Variants in DYRK1A observed in about 807,000 individuals in gnomAD.
The protein encoded by DYRK1A is dual specificity tyrosine-phosphorylation-regulated kinase 1A.
DYRK1A carries 9 observed loss-of-function variants against 79.7 expected under a neutral mutation model. The ratio of observed to expected loss-of-function variants is 0.11; its 90% CI spans 0.07 to 0.20. The LOEUF (loss-of-function observed/expected upper bound fraction) is 0.20. DYRK1A is among the 10% of genes least tolerant of loss of function. DYRK1A has a pLI of 1.00. For missense variants in DYRK1A, 622 were observed against 956.0 expected, an observed-to-expected ratio of 0.65 and a Z score of 4.61; for synonymous variants, 349 against 329.7, an observed-to-expected ratio of 1.06 and a Z score of -0.63.
At chr21:37,370,945 A>G (rs2049417318) in intron 1 of DYRK1A, among the ~76,000 whole-genome samples, 1 of 152,156 alleles carries the variant, frequency 6.6e-6, no homozygotes, top group Non-Finnish European at 1.5e-5. Flanking sequence ...TTGCCTTTTA[A>G]AAGACTTTTT....
At chr21:37,409,978 TTC>T (rs1459584212) in intron 1 of DYRK1A, among the ~76,000 whole-genome samples, 1 of 152,234 alleles carries the variant, frequency 6.6e-6, no homozygotes, top group African/African-American at 2.4e-5. Flanking sequence ...ATTTTGTATA[TTC>T]TGTTATGAAA....
chr21:37,461,265 T>G (rs1447563755), intron 2 of DYRK1A, among the ~76,000 whole-genome samples: 1 of 152,214 alleles, frequency 6.6e-6, no homozygotes, highest in Non-Finnish European at 1.5e-5. Flanking sequence ...TTATTTAAAT[T>G]ATCTAAGTTA....
intron 1 of DYRK1A, among the ~76,000 whole-genome samples, chr21:37,412,585 G>A (rs1033468074): frequency 3.3e-5 from 5 of 152,194 alleles, no homozygotes; most frequent in African/African-American, 9.7e-5. Flanking sequence ...ATTCTAGGAA[G>A]CATTTGTAAT....
rs28565161 is a variant in DYRK1A at position 37,367,544 on chromosome 21, C to T, written c.-161C>T. 0.06 allele frequency: 8,832 copies of T among 147,050 alleles called. 305 individuals are homozygous for T. Among genetic ancestry groups the T allele is most frequent in the Middle Eastern group, 0.14 (40 of 286 alleles). 9.1% of individuals were successfully genotyped at this position (147,050 alleles called of 1,614,324 possible). A position where few individuals can be genotyped will look rare whatever the true frequency, so the allele number is the denominator to read the frequency against. On this transcript the variant is annotated 5_prime_UTR_variant, in exon 1 of 12. Coordinates refer to ENST00000647188, the MANE Select transcript of DYRK1A (RefSeq NM_001347721.2). ...GAGGCTGCCGGGGCGGCGCTGGCTGCGGAGGCCGCGGCGGGAGCGCGGCGC... is the reference window on the plus strand; with the variant it reads ...GAGGCTGCCGGGGCGGCGCTGGCTGTGGAGGCCGCGGCGGGAGCGCGGCGC...
chr21:37,496,123 T>A lies in DYRK1A; in HGVS notation c.1077T>A (p.Asp359Glu). Residue 359 changes from aspartate to glutamate, a missense_variant, in exon 9 of 12, where the codon GAT (aspartate) becomes GAA (glutamate). Around this residue, in one of 5 missense-constraint regions of DYRK1A, gnomAD observed 138 missense variants for 346.4 expected, o/e 0.40. Coordinates refer to ENST00000647188, the MANE Select transcript of DYRK1A (RefSeq NM_001347721.2). Reference protein sequence around the residue: ...EPLFSGANEVDQMNKIVEVLG... With the variant: ...EPLFSGANEVEQMNKIVEVLG... Reference sequence around the variant, plus strand: ...TGTTTTTATTTTTAATACAGGTAGATCAGATGAATAAAATAGTGGAAGTTC... The same window carrying A: ...TGTTTTTATTTTTAATACAGGTAGAACAGATGAATAAAATAGTGGAAGTTC... The A allele has an allele frequency of 6.2e-7, 1 of 1,610,802 alleles. No homozygotes were observed.
chr21:37,483,156 A>G (rs1265308620), intron 5 of DYRK1A, among the ~76,000 whole-genome samples: 3 of 152,250 alleles, frequency 2.0e-5, no homozygotes, highest in Admixed American at 6.5e-5. Flanking sequence ...ATAAGTGTCC[A>G]TGAAATCTTC....
At chr21:37,403,657 ATATATATGTG>A (rs1161081049) in intron 1 of DYRK1A, among the ~76,000 whole-genome samples, 1 of 124,952 alleles carries the variant, frequency 8.0e-6, no homozygotes, top group Non-Finnish European at 1.7e-5. Context: ...AAATATATAT[ATATATATGTG>A]TGTGTGTGTG....
intron 2 of DYRK1A, among the ~76,000 whole-genome samples, chr21:37,448,654 A>G (rs1159477803): frequency 2.6e-5 from 4 of 152,188 alleles, no homozygotes; most frequent in Non-Finnish European, 5.9e-5. Context: ...AATATTGAGC[A>G]AAGGAGGGAA....
chr21:37,389,363 A>G (rs976678494), intron 1 of DYRK1A, among the ~76,000 whole-genome samples: 1 of 151,904 alleles, frequency 6.6e-6, no homozygotes, highest in African/African-American at 2.4e-5. Context: ...GCGGGGTCTC[A>G]TTGTGTTGCC....
intron 1 of DYRK1A, among the ~76,000 whole-genome samples, chr21:37,418,069 A>G (rs2050392493): frequency 6.6e-6 from 1 of 152,208 alleles, no homozygotes; most frequent in African/African-American, 2.4e-5. Context: ...TCTGCAAAGC[A>G]CATTTGGTGT....
intron 6 of DYRK1A, among the ~76,000 whole-genome samples, chr21:37,489,609 C>G (rs1394558259): frequency 6.7e-6 from 1 of 149,194 alleles, no homozygotes; most frequent in Non-Finnish European, 1.5e-5. Flanking sequence ...GATTTTCAGA[C>G]ATTTGTTGTA....
rs2053931039 is a variant in DYRK1A at position 37,520,985 on chromosome 21, C to A, written c.*8454C>A. On this transcript the variant is annotated 3_prime_UTR_variant, in exon 12 of 12. Transcript: ENST00000647188. ...TCACCCTCGCCCAGGAATGTGGGTG[C>A]TGGAGAGACGGGCTACCTCTTTCTG... 1 of 152,286 alleles carries A rather than the reference C, an allele frequency of 6.6e-6. No individual in the cohort carries two copies. Among genetic ancestry groups the A allele is most frequent in the Non-Finnish European group, 1.5e-5 (1 of 68,088 alleles). The allele number at this position is 152,286 out of a possible 1,614,324, so 9.4% of individuals were successfully genotyped here.
chr21:37,478,679 G>A (rs562950904), intron 4 of DYRK1A, among the ~76,000 whole-genome samples: 2 of 152,152 alleles, frequency 1.3e-5, no homozygotes, highest in Non-Finnish European at 2.9e-5. Flanking sequence ...TTATATATTT[G>A]TTTCTGCTTT....
intron 6 of DYRK1A, chr21:37,488,493 A>T (rs941786996): frequency 2.2e-5 from 19 of 846,476 alleles, no homozygotes; most frequent in Non-Finnish European, 2.6e-5. Flanking sequence ...CAAATTTCTT[A>T]TCTGGATTAT....
At chr21:37,374,245 A>G (rs1306447417) in intron 1 of DYRK1A, among the ~76,000 whole-genome samples, 1 of 151,730 alleles carries the variant, frequency 6.6e-6, no homozygotes, top group Non-Finnish European at 1.5e-5. Flanking sequence ...AAACAATGCT[A>G]CAATAACACT....
intron 7 of DYRK1A, among the ~76,000 whole-genome samples, chr21:37,491,833 T>A (rs886810642): frequency 6.6e-6 from 1 of 152,350 alleles, no homozygotes; most frequent in Non-Finnish European, 1.5e-5. Context: ...AACATTATTA[T>A]TTCTGTCTAG....
chr21:37,472,569 AG>A (rs1407174884), intron 2 of DYRK1A, 114 bp from the exon 3 acceptor site: 1 of 818,860 alleles, frequency 1.2e-6, no homozygotes, highest in African/African-American at 1.7e-5. Context: ...TAGTTAGAAA[AG>A]TTTTTTAATA....
intron 1 of DYRK1A, among the ~76,000 whole-genome samples, chr21:37,394,625 C>T (rs1193095951): frequency 6.6e-6 from 1 of 152,110 alleles, no homozygotes; most frequent in Non-Finnish European, 1.5e-5. Flanking sequence ...CTCATAGGAG[C>T]GCGAACCCTG....
chr21:37,456,488 A>G (rs560810178), intron 2 of DYRK1A, among the ~76,000 whole-genome samples: 18 of 152,296 alleles, frequency 1.2e-4, no homozygotes, highest in African/African-American at 4.1e-4. Flanking sequence ...TACACGGGTG[A>G]TGAGCAGGCT....
Sources: allele counts gnomAD v4.1 joint callset (sites outside exome capture counted in the v4.1 genomes callset), GRCh38; gene constraint gnomAD v4.1.1; regional missense constraint gnomAD v4.1.1; transcripts MANE v1.5; gene names NCBI Gene and HGNC (gene_info 2026-07-23, HGNC 2026-07-21).